The following LMO7 variants were observed in gnomAD, a reference collection of about 807,000 sequenced individuals.
LMO7 encodes LIM domain only protein 7.
A neutral mutation model predicts 206.5 loss-of-function variants in LMO7; 120 were observed. The ratio of observed to expected loss-of-function variants is 0.58; its 90% confidence interval spans 0.50 to 0.68. The LOEUF (loss-of-function observed/expected upper bound fraction) is 0.68. Among genes scored for constraint, LMO7 ranks in the 30% least tolerant of loss-of-function variants. The pLI is 0.00. For missense variants in LMO7, 1,959 were observed against 1,957.9 expected, an observed-to-expected ratio of 1.00 and a Z score of -0.01; for synonymous variants, 706 against 681.5, an observed-to-expected ratio of 1.04 and a Z score of -0.56.
At chr13:75,730,073 A>G (rs1373926535) in intron 3 of LMO7, among the ~76,000 whole-genome samples, 1 of 151,910 alleles carries the variant, frequency 6.6e-6, no homozygotes, top group African/African-American at 2.4e-5. Context: ...CATCAAGGAT[A>G]TTGGTCTAAA....
chr13:75,686,603 T>A (rs2041024245), intron 1 of LMO7, among the ~76,000 whole-genome samples: 1 of 151,478 alleles, frequency 6.6e-6, no homozygotes, highest in Non-Finnish European at 1.5e-5. Context: ...GGATTTTAGA[T>A]TTGACAGACT....
chr13:75,837,765 A>G (rs554187366), intron 19 of LMO7, among the ~76,000 whole-genome samples: 2 of 152,216 alleles, frequency 1.3e-5, no homozygotes, highest in East Asian at 1.9e-4. Context: ...TTTGTTATAG[A>G]CAGTTTTCCA....
chr13:75,675,710 G>A (rs2039945612), intron 1 of LMO7, among the ~76,000 whole-genome samples: 1 of 152,156 alleles, frequency 6.6e-6, no homozygotes, highest in Non-Finnish European at 1.5e-5. Flanking sequence ...GTATCTAAAT[G>A]TTACCCAGTC....
At chr13:75,777,714 C>T (rs1254741397) in intron 4 of LMO7, among the ~76,000 whole-genome samples, 1 of 150,638 alleles carries the variant, frequency 6.6e-6, no homozygotes, top group East Asian at 1.9e-4. Context: ...GGGGCGATCC[C>T]GGCTCACTGC....
chr13:75,777,385 A>G (rs977514454), intron 4 of LMO7, among the ~76,000 whole-genome samples: 2 of 152,212 alleles, frequency 1.3e-5, no homozygotes, highest in South Asian at 2.1e-4. Flanking sequence ...AAGTTTACCA[A>G]TGGCAATTAA....
chr13:75,630,474 A>G (rs1051220736), intron 2 of LMO7, among the ~76,000 whole-genome samples: 3 of 152,174 alleles, frequency 2.0e-5, no homozygotes, highest in Middle Eastern at 3.2e-3. Context: ...GGAGTTTGCA[A>G]TCAGCCTGGG....
chr13:75,742,457 T>C (rs1213335787), intron 3 of LMO7, among the ~76,000 whole-genome samples: 2 of 152,202 alleles, frequency 1.3e-5, no homozygotes, highest in Non-Finnish European at 2.9e-5. Context: ...GGCATCATAC[T>C]ACCTGACCTC....
intron 3 of LMO7, among the ~76,000 whole-genome samples, chr13:75,747,617 T>G (rs2046953750): frequency 6.6e-6 from 1 of 152,154 alleles, no homozygotes; most frequent in Admixed American, 6.5e-5. Context: ...GAGTCCAGTA[T>G]TTGAGATACA....
intron 1 of LMO7, among the ~76,000 whole-genome samples, chr13:75,652,133 T>A (rs1158529709): frequency 2.0e-5 from 3 of 152,098 alleles, no homozygotes; most frequent in African/African-American, 7.2e-5. Flanking sequence ...ATTATAATAT[T>A]ATAGTTTTTT....
At chr13:75,826,906 C>A (rs9544049) in intron 15 of LMO7, among the ~76,000 whole-genome samples, 1 of 151,976 alleles carries the variant, frequency 6.6e-6, no homozygotes, top group Non-Finnish European at 1.5e-5. Flanking sequence ...TTGGACACAT[C>A]ACGTACTTTT....
At chr13:75,677,586 G>A (rs2139452407) in intron 1 of LMO7, among the ~76,000 whole-genome samples, 1 of 151,070 alleles carries the variant, frequency 6.6e-6, no homozygotes, top group African/African-American at 2.4e-5. Context: ...TGAAATTTAG[G>A]AAATAAGCTA....
rs746764588 is a variant in LMO7 at position 75,833,150 on chromosome 13, G to A, written c.3049G>A (p.Ala1017Thr). ...IKWDIPGIFVASVEAGSPAEF... is the reference protein window; with the variant it reads ...IKWDIPGIFVTSVEAGSPAEF... ...ATGGGATATTCCTGGGATCTTCGTA[G>A]CATCAGTTGAAGCAGGTAAATTATG... The change falls in exon 16 of 31, where the codon GCA becomes ACA. Residue 1017 changes from alanine (A) to threonine (T), a missense_variant. Transcript: ENST00000377534. 1 of 1,584,404 alleles carries A rather than the reference G, an allele frequency of 6.3e-7. No individual in the cohort carries two copies. Among genetic ancestry groups the A allele is most frequent in the Non-Finnish European group, 8.7e-7 (1 of 1,153,098 alleles).
At chr13:75,776,426 C>T (rs2050508588) in intron 4 of LMO7, among the ~76,000 whole-genome samples, 1 of 151,256 alleles carries the variant, frequency 6.6e-6, no homozygotes, top group African/African-American at 2.4e-5. Flanking sequence ...TGTTTGATCC[C>T]TTTTTATACT....
chr13:75,760,777 A>ATT, intron 3 of LMO7, 155 bp from the exon 4 acceptor site: 1 of 1,539,244 alleles, frequency 6.5e-7, no homozygotes, highest in Non-Finnish European at 8.7e-7. Flanking sequence ...AGCCCTATGT[A>ATT]TTTTTTTTCA....
At chr13:75,779,162 C>T (rs554089429) in intron 4 of LMO7, among the ~76,000 whole-genome samples, 1 of 152,060 alleles carries the variant, frequency 6.6e-6, no homozygotes, top group African/African-American at 2.4e-5. Context: ...CAGGACAGAG[C>T]ATGTGGAAAG....
intron 1 of LMO7, among the ~76,000 whole-genome samples, chr13:75,664,986 C>T (rs1299307425): frequency 6.6e-6 from 1 of 151,934 alleles, no homozygotes; most frequent in African/African-American, 2.4e-5. Context: ...TCCTAAGGAG[C>T]CTTAAAGGTG....
intron 1 of LMO7, among the ~76,000 whole-genome samples, chr13:75,710,399 A>G (rs2138056731): frequency 6.6e-6 from 1 of 152,222 alleles, no homozygotes; most frequent in East Asian, 1.9e-4. Context: ...CAGTATGGCC[A>G]TTTTCATGAT....
chr13:75,647,629 T>A (rs1280487611), intron 1 of LMO7, among the ~76,000 whole-genome samples: 1 of 152,136 alleles, frequency 6.6e-6, no homozygotes, highest in Non-Finnish European at 1.5e-5. Context: ...TGTCCTGCAG[T>A]TTGAGCATGG....
chr13:75,632,914 G>A (rs1434858155), upstream of LMO7, among the ~76,000 whole-genome samples: 1 of 129,750 alleles, frequency 7.7e-6, no homozygotes, highest in Admixed American at 8.2e-5. Flanking sequence ...AGGCTGGAGT[G>A]CAGTGCCGTG....
Sources: allele counts gnomAD v4.1 joint callset (sites outside exome capture counted in the v4.1 genomes callset), GRCh38; gene constraint gnomAD v4.1.1; transcripts MANE v1.5; gene names NCBI Gene and HGNC (gene_info 2026-07-23, HGNC 2026-07-21).